ACTR3: variants seen among roughly 807,000 people sequenced by gnomAD.
ACTR3 encodes actin related protein 3, also known as actin-related protein 3.
In ACTR3, 12 loss-of-function variants were observed where a neutral mutation model predicts 56.8. The ratio of observed to expected loss-of-function variants is 0.21; its 90% confidence interval spans 0.14 to 0.34. The LOEUF is 0.34. Ranked by LOEUF, ACTR3 falls within the 10% of genes least tolerant of loss-of-function variation. The pLI, the probability that ACTR3 is intolerant of heterozygous loss-of-function variation, is 1.00. For missense variants in ACTR3, 282 were observed against 512.5 expected, an observed-to-expected ratio of 0.55 and a Z score of 4.34; for synonymous variants, 162 against 167.4, an observed-to-expected ratio of 0.97 and a Z score of 0.25.
intron 3 of ACTR3, among the ~76,000 whole-genome samples, chr2:113,920,345 C>T (rs969437933): frequency 6.6e-6 from 1 of 152,146 alleles, no homozygotes; most frequent in African/African-American, 2.4e-5. Flanking sequence ...AGGCATGAGC[C>T]ACTGTGCCAG....
intron 3 of ACTR3, among the ~76,000 whole-genome samples, chr2:113,917,565 TCA>T (rs1679430698): frequency 1.3e-5 from 2 of 152,290 alleles, no homozygotes; most frequent in African/African-American, 4.8e-5. Context: ...TTGTGCTTGT[TCA>T]CACAGTCACT....
At chr2:113,934,411 A>G (rs770170278) in intron 6 of ACTR3, 25 bp downstream of exon 6, 1 of 1,406,528 alleles carries the variant, frequency 7.1e-7, no homozygotes, top group South Asian at 1.3e-5. Context: ...CAGTTACTGA[A>G]CAGAACATGA....
chr2:113,908,156 C>G (rs57443397), intron 1 of ACTR3, among the ~76,000 whole-genome samples: 1,756 of 151,272 alleles, frequency 0.012, 25 homozygotes, highest in African/African-American at 0.04. Context: ...CTTTGTGTCA[C>G]TGAAAAACAA....
chr2:113,950,036 A>G (rs1003581763), intron 8 of ACTR3, among the ~76,000 whole-genome samples: 1 of 152,248 alleles, frequency 6.6e-6, no homozygotes, highest in African/African-American at 2.4e-5. Flanking sequence ...AGAGCGCTGA[A>G]TTAGTGAACA....
At chr2:113,894,044 A>G (rs1479630728) in intron 1 of ACTR3, among the ~76,000 whole-genome samples, 1 of 151,904 alleles carries the variant, frequency 6.6e-6, no homozygotes, top group East Asian at 1.9e-4. Flanking sequence ...TGGGAAGTTC[A>G]TGTTTCTTCC....
chr2:113,927,495 A>G, intron 4 of ACTR3, 40 bp downstream of exon 4: 1 of 1,304,462 alleles, frequency 7.7e-7, no homozygotes, highest in Non-Finnish European at 1.1e-6. Context: ...AAATTTTTGA[A>G]TACACTTAAT....
At chr2:113,905,787 A>G (rs1285476375) in intron 1 of ACTR3, among the ~76,000 whole-genome samples, 1 of 152,168 alleles carries the variant, frequency 6.6e-6, no homozygotes, top group Non-Finnish European at 1.5e-5. Flanking sequence ...TTTTACTTAT[A>G]ATGTATTCAA....
Position 113,958,709 on chromosome 2 carries a change from AT to A in ACTR3, c.*1257del, listed in dbSNP as rs1680268379. On this transcript the variant is annotated 3_prime_UTR_variant, in exon 12 of 12. Coordinates refer to ENST00000263238, the MANE Select transcript of ACTR3 (RefSeq NM_005721.5). ...ATCTCTGTAATGTGTATGGTAGAAA[AT>A]TTCTTGTGACCTTAAAATTTTACCA... 6.6e-6 allele frequency: 1 copy of A among 151,842 alleles called. No individual in the cohort carries two copies. Among genetic ancestry groups the A allele is most frequent in the African/African-American group, 2.4e-5 (1 of 41,342 alleles). 9.4% of individuals were successfully genotyped at this position (151,842 alleles called of 1,614,324 possible). A position where few individuals can be genotyped will look rare whatever the true frequency, so the allele number is the denominator to read the frequency against.
intron 1 of ACTR3, among the ~76,000 whole-genome samples, chr2:113,898,101 A>G (rs1040931759): frequency 2.0e-5 from 3 of 152,088 alleles, no homozygotes; most frequent in African/African-American, 7.2e-5. Flanking sequence ...TACTGTAAAC[A>G]TGTAAACCAT....
At chr2:113,933,366 G>A (rs191913731) in intron 5 of ACTR3, among the ~76,000 whole-genome samples, 11 of 152,054 alleles carry the variant, frequency 7.2e-5, no homozygotes, top group South Asian at 4.2e-4. Flanking sequence ...AAAATTAGCC[G>A]GGTGTGGTGG....
intron 1 of ACTR3, among the ~76,000 whole-genome samples, chr2:113,891,655 T>C (rs1209109963): frequency 6.6e-6 from 1 of 151,758 alleles, no homozygotes; most frequent in African/African-American, 2.4e-5. Flanking sequence ...GATTTCATTA[T>C]TGTTACTTAA....
chr2:113,912,282 GA>G (rs1679322066), intron 1 of ACTR3, among the ~76,000 whole-genome samples: 2 of 152,012 alleles, frequency 1.3e-5, no homozygotes, highest in Admixed American at 1.3e-4. Flanking sequence ...CAGTGAGTTT[GA>G]ATATGGAATA....
chr2:113,937,996 C>T (rs1350724242), intron 6 of ACTR3, among the ~76,000 whole-genome samples: 1 of 152,030 alleles, frequency 6.6e-6, no homozygotes, highest in African/African-American at 2.4e-5. Flanking sequence ...TTCACAGTGT[C>T]TCAAAGATCA....
chr2:113,899,960 A>G (rs1255336487), intron 1 of ACTR3, among the ~76,000 whole-genome samples: 1 of 152,210 alleles, frequency 6.6e-6, no homozygotes, highest in Non-Finnish European at 1.5e-5. Context: ...TAAATGGGGC[A>G]GAATGGTTTG....
intron 6 of ACTR3, 54 bp downstream of exon 6, chr2:113,934,440 G>A (rs1679787727): frequency 2.6e-6 from 3 of 1,158,836 alleles, no homozygotes; most frequent in African/African-American, 1.6e-5. Flanking sequence ...ATCTGGCAAA[G>A]TTAAATTATA....
chr2:113,890,088 G>GT, upstream of ACTR3: 1 of 643,636 alleles, frequency 1.6e-6, no homozygotes, highest in Non-Finnish European at 2.7e-6. Context: ...TGCCTGCCTG[G>GT]GTTGCGGAAG....
intron 1 of ACTR3, among the ~76,000 whole-genome samples, chr2:113,906,896 T>C (rs1270292581): frequency 1.3e-5 from 2 of 152,284 alleles, no homozygotes; most frequent in African/African-American, 4.8e-5. Flanking sequence ...GATCTCCAAC[T>C]TTGTTCTTTT....
intron 4 of ACTR3, among the ~76,000 whole-genome samples, chr2:113,928,667 A>G (rs972728648): frequency 2.0e-5 from 3 of 151,268 alleles, no homozygotes; most frequent in African/African-American, 7.3e-5. Flanking sequence ...GCCATAGACA[A>G]TACTTAAATT....
At chr2:113,929,065 A>G (rs1345583956) in intron 4 of ACTR3, among the ~76,000 whole-genome samples, 1 of 151,494 alleles carries the variant, frequency 6.6e-6, no homozygotes, top group Non-Finnish European at 1.5e-5. Context: ...GCTGGGTAGT[A>G]TTCCATTGTA....
Sources: allele counts gnomAD v4.1 joint callset (sites outside exome capture counted in the v4.1 genomes callset), GRCh38; gene constraint gnomAD v4.1.1; transcripts MANE v1.5; gene names NCBI Gene and HGNC (gene_info 2026-07-23, HGNC 2026-07-21).